The following CNTNAP2 variants were observed in gnomAD, a reference collection of about 807,000 sequenced individuals.
CNTNAP2 encodes contactin associated protein 2.
Under a neutral mutation model 155.2 loss-of-function variants are expected in CNTNAP2, and 98 were observed. The observed-to-expected ratio is 0.63, with a 90% confidence interval of 0.54 to 0.75. The LOEUF (loss-of-function observed/expected upper bound fraction) is 0.75. Among genes scored for constraint, CNTNAP2 ranks in the 30% least tolerant of loss-of-function variants. The pLI is 0.00. For synonymous variants in CNTNAP2, 651 were observed against 631.2 expected, an observed-to-expected ratio of 1.03 and a Z score of -0.47; for missense variants, 1,727 against 1,688.1, an observed-to-expected ratio of 1.02 and a Z score of -0.40.
At chr7:146,816,167 G>C (rs925720976) in intron 2 of CNTNAP2, among the ~76,000 whole-genome samples, 1 of 152,114 alleles carries the variant, frequency 6.6e-6, no homozygotes, top group Admixed American at 6.6e-5. Context: ...ATCATTGATA[G>C]ACATTTGGGT....
At chr7:147,067,322 C>T (rs1274985861) in intron 4 of CNTNAP2, among the ~76,000 whole-genome samples, 1 of 147,446 alleles carries the variant, frequency 6.8e-6, no homozygotes, top group African/African-American at 2.5e-5. Flanking sequence ...AAGGACTAAT[C>T]CCATTCATAA....
intron 1 of CNTNAP2, among the ~76,000 whole-genome samples, chr7:146,413,914 A>C (rs971810720): frequency 6.6e-6 from 1 of 152,158 alleles, no homozygotes; most frequent in Non-Finnish European, 1.5e-5. Context: ...TCTCAGCATT[A>C]GTGGAAGAAT....
At position 147,294,950 on chromosome 7, in the gene CNTNAP2, G is replaced by A. The variant is rs183663595; in HGVS notation, c.1349-5191G>A. On this transcript the variant is annotated intron_variant, in intron 8 of 23. Coordinates refer to ENST00000361727, the MANE Select transcript of CNTNAP2 (RefSeq NM_014141.6). ...GCTGGGATTGCAGGTGTGAGCCACA[G>A]CACCCTGATGAAAGACAAATTATTA... Among the ~76,000 whole-genome samples, 121 of 152,090 alleles carry A rather than the reference G, an allele frequency of 8.0e-4. 2 individuals are homozygous for A. The highest frequency in any genetic ancestry group is 2.7e-3 in the African/African-American group (111 of 41,478).
chr7:146,586,135 A>C (rs1470985622), intron 1 of CNTNAP2, among the ~76,000 whole-genome samples: 2 of 152,230 alleles, frequency 1.3e-5, no homozygotes, highest in Admixed American at 6.5e-5. Context: ...TTGAAATGAC[A>C]GAAAAATAAT....
At chr7:147,272,975 G>A (rs113728243) in intron 8 of CNTNAP2, among the ~76,000 whole-genome samples, 47 of 152,210 alleles carry the variant, frequency 3.1e-4, no homozygotes, top group African/African-American at 1.1e-3. Flanking sequence ...TTGGAGAGAA[G>A]TCTTAAGGAC....
intron 13 of CNTNAP2, among the ~76,000 whole-genome samples, chr7:147,641,613 G>A (rs1436326139): frequency 6.6e-6 from 1 of 152,082 alleles, no homozygotes; most frequent in African/African-American, 2.4e-5. Flanking sequence ...GACTATATTT[G>A]GAGATTTGGC....
At chr7:147,816,338 C>T (rs1375062826) in intron 13 of CNTNAP2, among the ~76,000 whole-genome samples, 1 of 151,818 alleles carries the variant, frequency 6.6e-6, no homozygotes, top group Non-Finnish European at 1.5e-5. Context: ...CCAAGGTGAA[C>T]GGAAAGGTAG....
At chr7:146,270,567 G>A (rs1461070012) in intron 1 of CNTNAP2, among the ~76,000 whole-genome samples, 1 of 152,070 alleles carries the variant, frequency 6.6e-6, no homozygotes, top group African/African-American at 2.4e-5. Flanking sequence ...AAGAAAAGAA[G>A]ATAACTTTTA....
chr7:147,779,170 T>C (rs948884178), intron 13 of CNTNAP2, among the ~76,000 whole-genome samples: 3 of 152,228 alleles, frequency 2.0e-5, no homozygotes, highest in African/African-American at 7.2e-5. Flanking sequence ...AGTAAGCTTA[T>C]AGCTGCTATA....
At chr7:146,379,719 C>G (rs1795354598) in intron 1 of CNTNAP2, among the ~76,000 whole-genome samples, 1 of 152,150 alleles carries the variant, frequency 6.6e-6, no homozygotes, top group Non-Finnish European at 1.5e-5. Flanking sequence ...CTCTGTTTGA[C>G]CTAGAGATTG....
chr7:148,084,234 C>T (rs1404146062), intron 15 of CNTNAP2, among the ~76,000 whole-genome samples: 1 of 152,160 alleles, frequency 6.6e-6, no homozygotes, highest in Admixed American at 6.5e-5. Flanking sequence ...ACCTTGTTTC[C>T]TGCTGCCACC....
At chr7:147,755,171 G>A (rs543346952) in intron 13 of CNTNAP2, among the ~76,000 whole-genome samples, 4 of 152,284 alleles carry the variant, frequency 2.6e-5, no homozygotes, top group Middle Eastern at 3.4e-3. Flanking sequence ...CAGCTTAAGT[G>A]TATGAGTGAT....
intron 9 of CNTNAP2, among the ~76,000 whole-genome samples, chr7:147,335,461 G>T (rs911316206): frequency 2.0e-5 from 3 of 152,000 alleles, no homozygotes; most frequent in African/African-American, 7.2e-5. Flanking sequence ...AGATTGCAAA[G>T]GTTTAATTTT....
At chr7:147,838,265 G>A (rs574269099) in intron 13 of CNTNAP2, among the ~76,000 whole-genome samples, 22 of 152,300 alleles carry the variant, frequency 1.4e-4, no homozygotes, top group African/African-American at 4.6e-4. Context: ...CTCTGGGCCT[G>A]TGATGGGAGG....
At chr7:147,835,363 G>A (rs190945442) in intron 13 of CNTNAP2, among the ~76,000 whole-genome samples, 7 of 152,270 alleles carry the variant, frequency 4.6e-5, no homozygotes, top group Non-Finnish European at 8.8e-5. Context: ...GTCACTCCTC[G>A]TTTTAAGGGT....
intron 1 of CNTNAP2, among the ~76,000 whole-genome samples, chr7:146,333,726 T>C (rs1801223297): frequency 1.3e-5 from 2 of 152,228 alleles, no homozygotes; most frequent in South Asian, 4.1e-4. Context: ...TTCTTGCTCA[T>C]TTACAAAACT....
intron 13 of CNTNAP2, among the ~76,000 whole-genome samples, chr7:147,823,060 T>A (rs939299852): frequency 2.0e-5 from 3 of 152,324 alleles, no homozygotes; most frequent in Non-Finnish European, 4.4e-5. Context: ...AACCATATAT[T>A]TGACTCCCTT....
chr7:146,391,037 A>C (rs1351625399), intron 1 of CNTNAP2, among the ~76,000 whole-genome samples: 1 of 148,596 alleles, frequency 6.7e-6, no homozygotes, highest in Non-Finnish European at 1.5e-5. Context: ...ACTGCACTCC[A>C]GCCTGGCAAC....
At chr7:147,478,888 G>A (rs978770546) in intron 10 of CNTNAP2, among the ~76,000 whole-genome samples, 30 of 152,220 alleles carry the variant, frequency 2.0e-4, no homozygotes, top group Admixed American at 2.0e-3. Context: ...TTGTTAGGAT[G>A]CCTGACTCTT....
Sources: gnomAD v4.1 joint callset for allele counts (sites outside exome capture counted in the v4.1 genomes callset) on GRCh38, gnomAD v4.1.1 for gene constraint, MANE v1.5 for transcripts, NCBI Gene and HGNC (gene_info 2026-07-23, HGNC 2026-07-21) for gene names.